Variants in FOXP1 observed in about 807,000 individuals in gnomAD.
The protein encoded by FOXP1 is forkhead box protein P1.
A neutral mutation model predicts 98.2 loss-of-function variants in FOXP1; 15 were observed. The ratio of observed to expected loss-of-function variants is 0.15; its 90% CI spans 0.10 to 0.24. The LOEUF (loss-of-function observed/expected upper bound fraction) is 0.24. Ranked by LOEUF, FOXP1 falls within the 10% of genes least tolerant of loss-of-function variation. The pLI, the probability that FOXP1 is intolerant of heterozygous loss-of-function variation, is 1.00. For synonymous variants in FOXP1, 371 were observed against 314.5 expected (o/e 1.18, Z -1.90); for missense variants, 633 against 848.5 (o/e 0.75, Z 3.15).
chr3:70,982,826 G>C (rs2039100052), intron 14 of FOXP1, among the ~76,000 whole-genome samples: 1 of 151,946 alleles, frequency 6.6e-6, no homozygotes, highest in South Asian at 2.1e-4. Context: ...AGACTTGTAA[G>C]TATTCCCATA....
At chr3:71,259,146 G>GA (rs1446896162) in intron 5 of FOXP1, among the ~76,000 whole-genome samples, 8 of 150,732 alleles carry the variant, frequency 5.3e-5, no homozygotes, top group Non-Finnish European at 1.0e-4. Context: ...CTGTGTCTCA[G>GA]AAAAAAAAAG....
In FOXP1 at chr3:70,965,942, T is replaced by C; in HGVS notation, c.1837A>G (p.Thr613Ala). Reference protein sequence around the residue: ...REELNGAMEHTNSNESDSSPG... With the variant: ...REELNGAMEHANSNESDSSPG... ...CTGCTGTCACTCTCGTTGCTGTTGG[T>C]ATGCTCCATTGCCCCGTTCAGCTCT... Residue 613 changes from threonine (T) to alanine (A), a missense_variant, in exon 20 of 21, where the codon ACC becomes GCC. Transcript: ENST00000649528. 1 of 1,614,162 alleles carries C rather than the reference T, an allele frequency of 6.2e-7. No homozygotes were observed. Among genetic ancestry groups the C allele is most frequent in the Non-Finnish European group, 8.5e-7 (1 of 1,180,004 alleles).
intron 4 of FOXP1, among the ~76,000 whole-genome samples, chr3:71,302,222 G>A (rs1248797484): frequency 6.6e-6 from 1 of 152,092 alleles, no homozygotes; most frequent in African/African-American, 2.4e-5. Context: ...ACAGCTGTTT[G>A]CCATCATGCT....
At chr3:71,142,301 C>G (rs1487226133) in intron 6 of FOXP1, among the ~76,000 whole-genome samples, 1 of 152,280 alleles carries the variant, frequency 6.6e-6, no homozygotes, top group East Asian at 1.9e-4. Flanking sequence ...ATTCCTATGC[C>G]TGGTATAACA....
intron 6 of FOXP1, among the ~76,000 whole-genome samples, chr3:71,144,932 T>C (rs1000537926): frequency 6.6e-6 from 1 of 152,228 alleles, no homozygotes; most frequent in African/African-American, 2.4e-5. Flanking sequence ...AATCATATAG[T>C]GTGTAATCTT....
intron 13 of FOXP1, among the ~76,000 whole-genome samples, chr3:70,995,472 G>GATGTACA (rs1412646699): frequency 6.6e-6 from 1 of 152,024 alleles, no homozygotes; most frequent in African/African-American, 2.4e-5. Context: ...CATTCCAAAA[G>GATGTACA]AATCTGTCAA....
intron 3 of FOXP1, among the ~76,000 whole-genome samples, chr3:71,445,553 T>C (rs1012323438): frequency 2.6e-5 from 4 of 152,234 alleles, no homozygotes; most frequent in African/African-American, 7.2e-5. Flanking sequence ...CTTTCTTTGT[T>C]GAATTCCCTA....
intron 17 of FOXP1, among the ~76,000 whole-genome samples, chr3:70,975,694 T>C (rs902978979): frequency 2.6e-5 from 4 of 152,224 alleles, no homozygotes; most frequent in African/African-American, 9.6e-5. Context: ...CTAAATGTTT[T>C]GGATTTCAGG....
chr3:71,161,701 G>C (rs1030966492), intron 6 of FOXP1, among the ~76,000 whole-genome samples: 1 of 152,240 alleles, frequency 6.6e-6, no homozygotes, highest in African/African-American at 2.4e-5. Flanking sequence ...CAGGGAGCAA[G>C]ACAATGATGC....
intron 3 of FOXP1, among the ~76,000 whole-genome samples, chr3:71,403,080 A>T (rs1481188325): frequency 6.6e-6 from 1 of 152,220 alleles, no homozygotes. Flanking sequence ...TTCTCAAAAG[A>T]GGAAGTTTAC....
At chr3:71,116,371 G>A (rs2058377062) in intron 6 of FOXP1, among the ~76,000 whole-genome samples, 1 of 152,120 alleles carries the variant, frequency 6.6e-6, no homozygotes, top group Admixed American at 6.6e-5. Context: ...AAACTTGTAT[G>A]AACCCAAGGG....
At chr3:71,552,324 C>T (rs866542286) in intron 2 of FOXP1, among the ~76,000 whole-genome samples, 1 of 151,850 alleles carries the variant, frequency 6.6e-6, no homozygotes. Context: ...GTACAAAAAA[C>T]AGAACTATGT....
At chr3:71,156,617 T>C (rs1230907097) in intron 6 of FOXP1, among the ~76,000 whole-genome samples, 1 of 152,202 alleles carries the variant, frequency 6.6e-6, no homozygotes, top group Non-Finnish European at 1.5e-5. Flanking sequence ...TGCCAGAATT[T>C]GGGCTTGGAA....
intron 3 of FOXP1, among the ~76,000 whole-genome samples, chr3:71,442,775 G>A (rs1303618533): frequency 6.6e-6 from 1 of 152,206 alleles, no homozygotes; most frequent in African/African-American, 2.4e-5. Flanking sequence ...AGGCGGAGTT[G>A]CCTGCTCAAA....
intron 6 of FOXP1, among the ~76,000 whole-genome samples, chr3:71,139,174 G>A (rs114824856): frequency 8.9e-4 from 136 of 152,198 alleles, no homozygotes; most frequent in Middle Eastern, 3.4e-3. Flanking sequence ...ATAGAGATAC[G>A]GAGCCAGTTG....
chr3:71,434,025 T>A (rs908775741), intron 3 of FOXP1, among the ~76,000 whole-genome samples: 11 of 152,172 alleles, frequency 7.2e-5, no homozygotes, highest in Non-Finnish European at 1.3e-4. Context: ...CCAAGCACCA[T>A]AATGAATGTG....
At chr3:71,223,587 C>T (rs1457039988) in intron 5 of FOXP1, among the ~76,000 whole-genome samples, 4 of 149,080 alleles carry the variant, frequency 2.7e-5, no homozygotes, top group African/African-American at 9.9e-5. Context: ...CCCAGCTACT[C>T]GGGAGACTGA....
intron 3 of FOXP1, among the ~76,000 whole-genome samples, chr3:71,386,937 C>T (rs772429657): frequency 1.2e-4 from 19 of 152,128 alleles, no homozygotes; most frequent in Non-Finnish European, 2.5e-4. Context: ...CTCCATCTTA[C>T]ATCAGCTACC....
chr3:71,001,108 G>A (rs752139355), intron 12 of FOXP1, 49 bp from the exon 13 acceptor site: 3 of 1,395,662 alleles, frequency 2.1e-6, no homozygotes, highest in South Asian at 2.3e-5. Flanking sequence ...AAACAAAAAG[G>A]AAAATATAAG....
Sources: allele counts gnomAD v4.1 joint callset (sites outside exome capture counted in the v4.1 genomes callset), GRCh38; gene constraint gnomAD v4.1.1; transcripts MANE v1.5; gene names NCBI Gene and HGNC (gene_info 2026-07-23, HGNC 2026-07-21).